NEDD4: variants seen among roughly 807,000 people sequenced by gnomAD.
The protein encoded by NEDD4 is E3 ubiquitin-protein ligase NEDD4.
Under a neutral mutation model 144.9 loss-of-function variants are expected in NEDD4, and 99 were observed. The observed-to-expected ratio is 0.68, with a 90% confidence interval of 0.58 to 0.81. The LOEUF (loss-of-function observed/expected upper bound fraction) is 0.81, where lower values mean the gene tolerates loss of function less well. Ranked by LOEUF, NEDD4 falls within the 30% of genes least tolerant of loss-of-function variation. NEDD4 has a pLI of 0.00. For missense variants in NEDD4, 985 were observed against 1,065.9 expected (o/e 0.92, Z 1.06); for synonymous variants, 318 against 350.6 (o/e 0.91, Z 1.04).
intron 24 of NEDD4, among the ~76,000 whole-genome samples, 188 bp downstream of exon 24, chr15:55,837,601 T>C (rs1347808024): frequency 7.2e-5 from 11 of 152,146 alleles, no homozygotes; most frequent in African/African-American, 2.7e-4. Context: ...AGGGGACCTG[T>C]CCATGTTTAT....
chr15:55,989,650 CCTCTTT>C (rs1443191561), intron 1 of NEDD4, among the ~76,000 whole-genome samples: 1 of 152,196 alleles, frequency 6.6e-6, no homozygotes, highest in African/African-American at 2.4e-5. Flanking sequence ...TGAACTCTTT[CCTCTTT>C]ATTTCCTTCC....
chr15:55,843,433 T>G (rs2033605885), intron 18 of NEDD4, among the ~76,000 whole-genome samples: 1 of 152,242 alleles, frequency 6.6e-6, no homozygotes, highest in Admixed American at 6.5e-5. Flanking sequence ...TCACTAATCT[T>G]TTGTACGTTC....
At chr15:55,967,508 G>A (rs72734359) in intron 1 of NEDD4, among the ~76,000 whole-genome samples, 22,621 of 150,842 alleles carry the variant, frequency 0.15, 1,832 homozygotes, top group East Asian at 0.32. Context: ...GGGAATAAGC[G>A]AAACGTTACC....
In NEDD4 at chr15:55,842,119, A is replaced by G. The variant is rs1595734993; in HGVS notation, c.1653T>C (p.Thr551=). Residue 551 remains threonine, a synonymous_variant, in exon 19 of 29, where the codon ACT becomes ACC. Transcript: ENST00000435532. ...NKFEMKLRRA[T]VLEDSYRRIM... is the part of the protein sequence containing the mutation. Reference sequence around the variant, plus strand: ...TTCTCCGGTAAGAGTCTTCAAGAACAGTTGCTCGGCGAAGTTTCATTTCAA... The same window carrying G: ...TTCTCCGGTAAGAGTCTTCAAGAACGGTTGCTCGGCGAAGTTTCATTTCAA... 1 of 1,614,158 alleles carries G rather than the reference A, an allele frequency of 6.2e-7. No individual in the cohort carries two copies. Among genetic ancestry groups the G allele is most frequent in the Non-Finnish European group, 8.5e-7 (1 of 1,180,042 alleles).
chr15:55,844,776 A>G (rs1368219365), intron 18 of NEDD4, among the ~76,000 whole-genome samples: 1 of 151,662 alleles, frequency 6.6e-6, no homozygotes, highest in Non-Finnish European at 1.5e-5. Context: ...AAGGTTAAAG[A>G]CAGTGCACGG....
rs747104209 is a variant in NEDD4, at chr15:55,916,260, C to A, written c.291+8386G>T. 1.7e-5 allele frequency: 28 copies of A among 1,613,906 alleles called. No individual in the cohort carries two copies. The Admixed American group carries it at 3.7e-4, about 21-fold the overall frequency. On this transcript the variant is annotated intron_variant, in intron 5 of 28. Coordinates refer to ENST00000435532, the MANE Select transcript of NEDD4 (RefSeq NM_006154.4). ...ATCATCACTTGGTGGAAAAGTATAA[C>A]TACTACTGTCACTGATGACACTGTT...
At position 55,976,627 on chromosome 15, in the gene NEDD4, ATTTTT is replaced by A. The variant is rs1229977936; in HGVS notation, c.46-10086_46-10082del. Among the ~76,000 whole-genome samples, 350 of 120,894 alleles carry A rather than the reference ATTTTT, an allele frequency of 2.9e-3. 4 individuals are homozygous for A. Among genetic ancestry groups the A allele is most frequent in the African/African-American group, 0.01 (336 of 32,046 alleles). 79.3% of individuals were successfully genotyped at this position (120,894 alleles called of 152,430 possible). A position where few individuals can be genotyped will look rare whatever the true frequency, so the allele number is the denominator to read the frequency against. On this transcript the variant is annotated intron_variant, in intron 1 of 28. Transcript: ENST00000435532. The stretch of plus-strand genomic sequence containing the variant: ...GTACCCTTATCCAATCTGGGCAAAA[ATTTTT>A]TTTTTTTTTTTTTTTGAGACGGAGG...
At chr15:55,980,769 A>G (rs2037784592) in intron 1 of NEDD4, among the ~76,000 whole-genome samples, 1 of 151,910 alleles carries the variant, frequency 6.6e-6, no homozygotes, top group Non-Finnish European at 1.5e-5. Context: ...AATGGCTAGC[A>G]TTCATTTTTA....
chr15:55,985,854 T>A (rs548993073), intron 1 of NEDD4, among the ~76,000 whole-genome samples: 1 of 151,872 alleles, frequency 6.6e-6, no homozygotes, highest in Non-Finnish European at 1.5e-5. Flanking sequence ...AGTACCCAAA[T>A]TGTAGCATGT....
chr15:55,912,925 C>A (rs935921763), intron 5 of NEDD4, among the ~76,000 whole-genome samples: 3 of 152,092 alleles, frequency 2.0e-5, no homozygotes, highest in Non-Finnish European at 2.9e-5. Flanking sequence ...AAAGTCTCAT[C>A]TTCACTCTAA....
At chr15:55,945,991 G>C (rs1194121284) in intron 4 of NEDD4, among the ~76,000 whole-genome samples, 1 of 152,146 alleles carries the variant, frequency 6.6e-6, no homozygotes, top group Non-Finnish European at 1.5e-5. Context: ...CCTTACAAGA[G>C]CTCATGAAGG....
rs1174076613 is a variant in NEDD4 at position 55,933,681 on chromosome 15, T to TA, written c.238-8983dup. Among the ~76,000 whole-genome samples, 328 of 146,850 alleles carry TA rather than the reference T, an allele frequency of 2.2e-3. 3 individuals are homozygous for TA. Among genetic ancestry groups the TA allele is most frequent in the African/African-American group, 6.0e-3 (240 of 40,280 alleles). On this transcript the variant is annotated intron_variant, in intron 4 of 28. Coordinates refer to ENST00000435532, the MANE Select transcript of NEDD4 (RefSeq NM_006154.4). ...TACGTGTACCCTAGAACTTAAAGTA[T>TA]AAAAAAAAAAATCTGATGGCTTTAT... is the stretch of plus-strand genomic sequence containing the variant.
chr15:55,966,683 A>C (rs2037518454), intron 1 of NEDD4, 137 bp from the exon 2 acceptor site: 1 of 448,162 alleles, frequency 2.2e-6, no homozygotes, highest in African/African-American at 2.0e-5. Context: ...AATTAATTTT[A>C]TTAAAAGTTA....
intron 21 of NEDD4, 100 bp downstream of exon 21, chr15:55,840,347 T>A: frequency 5.0e-6 from 5 of 990,364 alleles, no homozygotes; most frequent in Non-Finnish European, 5.9e-6. Flanking sequence ...TGAAACATGA[T>A]AATATATTAA....
chr15:55,939,524 T>C (rs1190010776), intron 4 of NEDD4, among the ~76,000 whole-genome samples: 2 of 151,782 alleles, frequency 1.3e-5, no homozygotes, highest in African/African-American at 2.4e-5. Context: ...AAGAACCTAA[T>C]TTAAAAAATG....
intron 27 of NEDD4, 38 bp downstream of exon 27, chr15:55,832,970 T>A: frequency 7.3e-7 from 1 of 1,370,318 alleles, no homozygotes; most frequent in Non-Finnish European, 1.0e-6. Context: ...ACAATACGCA[T>A]TATTCCATTT....
chr15:55,866,782 T>C (rs2034601226), intron 8 of NEDD4, among the ~76,000 whole-genome samples: 1 of 152,152 alleles, frequency 6.6e-6, no homozygotes, highest in Non-Finnish European at 1.5e-5. Context: ...TTTGTGGAAG[T>C]AGAGTTGTAC....
intron 1 of NEDD4, among the ~76,000 whole-genome samples, chr15:55,982,020 TAC>T (rs1175671566): frequency 6.6e-6 from 1 of 152,222 alleles, no homozygotes; most frequent in Non-Finnish European, 1.5e-5. Flanking sequence ...CTGTTTTTTA[TAC>T]ACAAAGTATC....
chr15:55,869,527 A>T, intron 8 of NEDD4, 52 bp downstream of exon 8: 1 of 1,070,198 alleles, frequency 9.3e-7, no homozygotes, highest in Non-Finnish European at 1.4e-6. Flanking sequence ...GAGTACAGTA[A>T]AATAAGAAAT....
Sources: gnomAD v4.1 joint callset for allele counts (sites outside exome capture counted in the v4.1 genomes callset) on GRCh38, gnomAD v4.1.1 for gene constraint, MANE v1.5 for transcripts, NCBI Gene and HGNC (gene_info 2026-07-23, HGNC 2026-07-21) for gene names.